The following AKR1D1 variants were observed in gnomAD, a reference collection of about 807,000 sequenced individuals.
AKR1D1 encodes delta(4)-3-ketosteroid 5-beta-reductase.
A neutral mutation model predicts 42.6 loss-of-function variants in AKR1D1; 32 were observed. The observed-to-expected ratio is 0.75, with a 90% confidence interval of 0.57 to 1.01. The LOEUF (loss-of-function observed/expected upper bound fraction) is 1.01, where lower values mean the gene tolerates loss of function less well. Among genes scored for constraint, AKR1D1 ranks in the 50% least tolerant of loss-of-function variants. The probability of loss-of-function intolerance (pLI) is 0.00; values close to 1 mark genes in which losing one functional copy is unlikely to be tolerated. For missense variants in AKR1D1, 364 were observed against 402.2 expected (o/e 0.91, Z 0.81); for synonymous variants, 123 against 135.5 (o/e 0.91, Z 0.64).
At chr7:138,080,823 T>C (rs960559042) in intron 1 of AKR1D1, among the ~76,000 whole-genome samples, 1 of 152,214 alleles carries the variant, frequency 6.6e-6, no homozygotes, top group Admixed American at 6.5e-5. Flanking sequence ...TCTCACTATG[T>C]TGCCCAGGCT....
At chr7:138,098,453 T>TA (rs1794226130) in intron 4 of AKR1D1, 2 of 153,620 alleles carry the variant, frequency 1.3e-5, no homozygotes, top group South Asian at 2.0e-4. Context: ...CTACTAAAAA[T>TA]AAAAAAATTA....
chr7:138,112,723 C>A (rs1794558301), intron 7 of AKR1D1, among the ~76,000 whole-genome samples: 1 of 150,600 alleles, frequency 6.6e-6, no homozygotes, highest in South Asian at 2.1e-4. Context: ...TAATTAAAAT[C>A]TATTAATAAT....
intron 5 of AKR1D1, among the ~76,000 whole-genome samples, chr7:138,106,190 A>G (rs1436253711): frequency 2.6e-5 from 4 of 152,228 alleles, no homozygotes; most frequent in Non-Finnish European, 4.4e-5. Flanking sequence ...CCTTACTAAA[A>G]AAACAATTTG....
At chr7:138,092,275 T>C (rs114813762) in intron 3 of AKR1D1, among the ~76,000 whole-genome samples, 5,214 of 152,308 alleles carry the variant, frequency 0.034, 318 homozygotes, top group African/African-American at 0.12. Context: ...CATGTAGTCC[T>C]CTAACTGTAG....
Position 138,116,590 on chromosome 7 carries a change from C to T in AKR1D1, c.939-30C>T, listed in dbSNP as rs567246144. 5.6e-6 allele frequency: 9 copies of T among 1,614,046 alleles called. No homozygotes were observed. In the South Asian group the frequency reaches 9.9e-5, roughly 18 times the overall value. ...TACAGCTGTGCAATTTTTGAGTGAA[C>T]TTTTTTCTGTGGGGGAATTGTTTTG... is the stretch of plus-strand genomic sequence containing the variant. On this transcript the variant is annotated intron_variant, in intron 8 of 8. Coordinates refer to ENST00000242375, the MANE Select transcript of AKR1D1 (RefSeq NM_005989.4).
At chr7:138,102,158 C>T (rs1794331948) in intron 4 of AKR1D1, among the ~76,000 whole-genome samples, 1 of 152,144 alleles carries the variant, frequency 6.6e-6, no homozygotes, top group Non-Finnish European at 1.5e-5. Flanking sequence ...TTGCAGTGAG[C>T]CGAGATCCCA....
intron 1 of AKR1D1, among the ~76,000 whole-genome samples, chr7:138,079,361 C>T (rs571013271): frequency 1.3e-5 from 2 of 152,258 alleles, no homozygotes; most frequent in East Asian, 3.9e-4. Context: ...AGTCTTTTCT[C>T]CATTTTGTCC....
chr7:138,083,101 T>C (rs1426323317), intron 1 of AKR1D1, among the ~76,000 whole-genome samples: 1 of 152,184 alleles, frequency 6.6e-6, no homozygotes, highest in Non-Finnish European at 1.5e-5. Context: ...ATATCTTTAA[T>C]TTTTTTAGGA....
At chr7:138,077,684 G>A (rs1272940277) in intron 1 of AKR1D1, among the ~76,000 whole-genome samples, 1 of 152,220 alleles carries the variant, frequency 6.6e-6, no homozygotes, top group Admixed American at 6.5e-5. Flanking sequence ...AGTGACATGT[G>A]TAGAAATGCT....
intron 7 of AKR1D1, among the ~76,000 whole-genome samples, chr7:138,108,258 C>T (rs1165977671): frequency 2.0e-5 from 3 of 152,054 alleles, no homozygotes; most frequent in African/African-American, 4.8e-5. Flanking sequence ...TCATTTATTC[C>T]GCTACTACTA....
chr7:138,100,261 T>C (rs1794270499), intron 4 of AKR1D1, among the ~76,000 whole-genome samples: 1 of 148,836 alleles, frequency 6.7e-6, no homozygotes, highest in Non-Finnish European at 1.5e-5. Flanking sequence ...AAGTAGCAAA[T>C]AAAGGGCAAG....
chr7:138,086,387 C>T (rs377193712), intron 1 of AKR1D1, among the ~76,000 whole-genome samples: 2 of 152,126 alleles, frequency 1.3e-5, no homozygotes, highest in African/African-American at 2.4e-5. Context: ...CTGTCCAAGT[C>T]CTATTAATCA....
intron 1 of AKR1D1, among the ~76,000 whole-genome samples, chr7:138,084,094 AG>A (rs1803114473): frequency 6.6e-6 from 1 of 152,220 alleles, no homozygotes; most frequent in Non-Finnish European, 1.5e-5. Context: ...CAGGGACTGG[AG>A]GTGGCCATAG....
chr7:138,091,558 G>A (rs1488120878), intron 2 of AKR1D1, among the ~76,000 whole-genome samples: 2 of 152,064 alleles, frequency 1.3e-5, no homozygotes, highest in South Asian at 2.1e-4. Context: ...GGCTAGGCAC[G>A]GTGGCTGATG....
chr7:138,076,481 T>G lies in AKR1D1; in HGVS notation c.-38T>G. 1 of 1,547,868 alleles carries G rather than the reference T, an allele frequency of 6.5e-7. No homozygotes were observed. Among genetic ancestry groups the G allele is most frequent in the Non-Finnish European group, 8.9e-7 (1 of 1,120,300 alleles). On this transcript the variant is annotated 5_prime_UTR_variant, in exon 1 of 9. Coordinates refer to ENST00000242375, the MANE Select transcript of AKR1D1 (RefSeq NM_005989.4). ...GACACCTTTCTAAAAAGACTCCCTG[T>G]GGTGTTCAGAATCACTCCTACAGTC...
chr7:138,094,352 A>G (rs910121771), intron 3 of AKR1D1, among the ~76,000 whole-genome samples: 4 of 151,974 alleles, frequency 2.6e-5, no homozygotes, highest in African/African-American at 9.7e-5. Flanking sequence ...CCATCTCTAC[A>G]AAAAATACAA....
At chr7:138,099,873 GAA>G (rs57128808) in intron 4 of AKR1D1, among the ~76,000 whole-genome samples, 14 of 140,688 alleles carry the variant, frequency 1.0e-4, no homozygotes, top group African/African-American at 1.6e-4. Flanking sequence ...AATAGTTAAA[GAA>G]AAAAAAAAAC....
intron 1 of AKR1D1, among the ~76,000 whole-genome samples, chr7:138,081,506 CTTTTTTTTTTTTTTTTTTTTTTT>C (rs61466734): frequency 2.1e-5 from 1 of 47,620 alleles, no homozygotes; most frequent in East Asian, 6.3e-4. Flanking sequence ...GAACTCCTAC[CTTTTTTTTTTTTTTTTTTTTTTT>C]TTTTTTTTTT....
At position 138,105,191 on chromosome 7, in the gene AKR1D1, G is replaced by A. The variant is rs2306845; in HGVS notation, c.457-116G>A. On this transcript the variant is annotated intron_variant, in intron 4 of 8. Coordinates refer to ENST00000242375, the MANE Select transcript of AKR1D1 (RefSeq NM_005989.4). ...CTTCTTTTACTTTTTTTCGCAAGAT[G>A]CTTATTAACATACCCAGGAACTTTC... 6 of 1,434,938 alleles carry A rather than the reference G, an allele frequency of 4.2e-6. No individual in the cohort carries two copies. In the East Asian group the frequency reaches 1.1e-4, roughly 27 times the overall value. The allele number at this position is 1,434,938 out of a possible 1,614,324, so 88.9% of individuals were successfully genotyped here. A position where few individuals can be genotyped will look rare whatever the true frequency, so the allele number is the denominator to read the frequency against.
Sources: allele counts gnomAD v4.1 joint callset (sites outside exome capture counted in the v4.1 genomes callset), GRCh38; gene constraint gnomAD v4.1.1; transcripts MANE v1.5; gene names NCBI Gene and HGNC (gene_info 2026-07-23, HGNC 2026-07-21).